The following WDSUB1 variants were observed in gnomAD, a reference collection of about 807,000 sequenced individuals.
WDSUB1 encodes the protein WD repeat, SAM and U-box domain-containing protein 1.
WDSUB1 carries 49 observed loss-of-function variants against 53.9 expected under a neutral mutation model. The observed-to-expected ratio is 0.91, with a 90% CI of 0.72 to 1.15. The LOEUF (loss-of-function observed/expected upper bound fraction) is 1.15, where lower values mean the gene tolerates loss of function less well. Ranked by LOEUF, WDSUB1 falls within the 50% of genes most tolerant of loss-of-function variation. The probability of loss-of-function intolerance (pLI) is 0.00; values close to 1 mark genes in which losing one functional copy is unlikely to be tolerated. For missense variants in WDSUB1, 514 were observed against 562.0 expected, an observed-to-expected ratio of 0.91 and a Z score of 0.86; for synonymous variants, 194 against 200.6, an observed-to-expected ratio of 0.97 and a Z score of 0.28.
chr2:159,235,880 T>C lies in WDSUB1; in HGVS notation c.*153A>G, dbSNP rs1298332149. On this transcript the variant is annotated 3_prime_UTR_variant, in exon 11 of 11. Coordinates refer to ENST00000359774, the MANE Select transcript of WDSUB1 (RefSeq NM_001128212.3). The stretch of plus-strand genomic sequence containing the variant: ...GCTTTTATAGTAAGTCCATGTGTTT[T>C]TTAAAGAATGAAAATTGACAATTTT... The C allele has an allele frequency of 8.3e-6, 6 of 722,588 alleles. No individual in the cohort carries two copies. Among genetic ancestry groups the C allele is most frequent in the Non-Finnish European group, 1.2e-5 (6 of 494,736 alleles). 44.8% of individuals were successfully genotyped at this position (722,588 alleles called of 1,614,324 possible).
At chr2:159,245,561 A>G (rs1309581973) in intron 10 of WDSUB1, among the ~76,000 whole-genome samples, 4 of 152,036 alleles carry the variant, frequency 2.6e-5, no homozygotes, top group African/African-American at 4.8e-5. Context: ...ATAAAGCTAC[A>G]GTAATCGAAG....
chr2:159,285,174 A>T (rs11687199), intron 1 of WDSUB1, among the ~76,000 whole-genome samples: 63,920 of 152,046 alleles, frequency 0.42, 14,719 homozygotes, highest in Non-Finnish European at 0.54. Context: ...AATAAATATA[A>T]GTTGAATATT....
At chr2:159,250,925 A>G (rs765270110) in intron 9 of WDSUB1, among the ~76,000 whole-genome samples, 25 of 152,188 alleles carry the variant, frequency 1.6e-4, no homozygotes, top group African/African-American at 5.8e-4. Context: ...CATGTTTGCA[A>G]TAAGACAGTA....
chr2:159,257,069 G>A (rs2061080423), intron 8 of WDSUB1, among the ~76,000 whole-genome samples: 1 of 152,098 alleles, frequency 6.6e-6, no homozygotes, highest in African/African-American at 2.4e-5. Context: ...CGTGTTCTCA[G>A]CTCACTGCAG....
chr2:159,249,721 G>A (rs1261210175), intron 9 of WDSUB1, among the ~76,000 whole-genome samples: 4 of 151,964 alleles, frequency 2.6e-5, no homozygotes, highest in Admixed American at 2.6e-4. Context: ...CAAGCTCAGG[G>A]CTCCTCAGCT....
chr2:159,247,579 T>C (rs2151063987), intron 10 of WDSUB1, among the ~76,000 whole-genome samples: 1 of 151,946 alleles, frequency 6.6e-6, no homozygotes, highest in Non-Finnish European at 1.5e-5. Flanking sequence ...TCTAACGAAA[T>C]GTGTCAAACT....
chr2:159,270,302 C>T (rs2061422354), intron 5 of WDSUB1, among the ~76,000 whole-genome samples: 1 of 152,142 alleles, frequency 6.6e-6, no homozygotes, highest in South Asian at 2.1e-4. Context: ...ATAAAGATGT[C>T]AATTCTCCCC....
chr2:159,248,498 G>A lies in WDSUB1; in HGVS notation c.1147C>T (p.Arg383Cys), dbSNP rs749077968. 16 of 1,556,146 alleles carry A rather than the reference G, an allele frequency of 1.0e-5. No individual in the cohort carries two copies. The highest frequency in any genetic ancestry group is 1.0e-4 in the South Asian group (8 of 79,838). Reference protein sequence around the residue: ...DDLKIESLGLRSKVLRKIEEL... With the variant: ...DDLKIESLGLCSKVLRKIEEL... The stretch of plus-strand genomic sequence containing the variant: ...TCAATTTTCCTCAGCACTTTACTAC[G>A]CAGTCCTAGAGATTCTGAAAAGAAA... The change falls in exon 10 of 11, where the codon CGT becomes TGT. Residue 383 changes from arginine (R) to cysteine (C), a missense_variant. Coordinates refer to ENST00000359774, the MANE Select transcript of WDSUB1 (RefSeq NM_001128212.3).
intron 2 of WDSUB1, among the ~76,000 whole-genome samples, chr2:159,281,870 G>A (rs1000287187): frequency 5.3e-5 from 8 of 152,114 alleles, no homozygotes; most frequent in Admixed American, 1.3e-4. Context: ...CCAGCAACTC[G>A]GGAGGCCGAG....
chr2:159,258,099 G>T, intron 6 of WDSUB1, 114 bp from the exon 7 acceptor site: 1 of 879,166 alleles, frequency 1.1e-6, no homozygotes, highest in Non-Finnish European at 1.8e-6. Context: ...ATATTTATTA[G>T]TAACTAACAT....
intron 3 of WDSUB1, among the ~76,000 whole-genome samples, chr2:159,276,532 T>C (rs1347105883): frequency 6.6e-6 from 1 of 152,210 alleles, no homozygotes; most frequent in Non-Finnish European, 1.5e-5. Context: ...AGTAATCAGT[T>C]ATATGGTGTC....
intron 5 of WDSUB1, among the ~76,000 whole-genome samples, chr2:159,269,543 C>A (rs2061408561): frequency 6.6e-6 from 1 of 152,094 alleles, no homozygotes; most frequent in African/African-American, 2.4e-5. Flanking sequence ...TATGTAGATA[C>A]AAAGTGGATA....
chr2:159,265,760 G>A (rs1443021035), intron 5 of WDSUB1, among the ~76,000 whole-genome samples: 1 of 152,168 alleles, frequency 6.6e-6, no homozygotes, highest in Non-Finnish European at 1.5e-5. Context: ...TATAATGTTT[G>A]TTGTATCTGG....
At position 159,235,851 on chromosome 2, in the gene WDSUB1, A is replaced by G. The variant is rs1265061303; in HGVS notation, c.*182T>C. 6.2e-6 allele frequency: 3 copies of G among 485,432 alleles called. No individual in the cohort carries two copies. The East Asian group carries it at 1.1e-4, about 17-fold the overall frequency. The allele number at this position is 485,432 out of a possible 1,614,324, so 30.1% of individuals were successfully genotyped here. ...CTGAAGATTCTTTTCACTAGTACAA[A>G]AAGGCTTTTATAGTAAGTCCATGTG... is the stretch of plus-strand genomic sequence containing the variant. On this transcript the variant is annotated 3_prime_UTR_variant, in exon 11 of 11. Coordinates refer to ENST00000359774, the MANE Select transcript of WDSUB1 (RefSeq NM_001128212.3).
chr2:159,256,280 C>A lies in WDSUB1; in HGVS notation c.1048G>T (p.Val350Phe). 2.5e-6 allele frequency: 4 copies of A among 1,612,354 alleles called. No homozygotes were observed. Among genetic ancestry groups the A allele is most frequent in the Non-Finnish European group, 2.5e-6 (3 of 1,179,484 alleles). The change falls in exon 9 of 11, where the codon GTT (valine) becomes TTT (phenylalanine). Residue 350 changes from valine (V) to phenylalanine (F), a missense_variant. Transcript: ENST00000359774. ...ATGTTATTCATCTTGAAAATACCAA[C>A]AAGATCTTTTAAATCTTGTGCACAA... is the stretch of plus-strand genomic sequence containing the variant. ...WLCAQDLKDL[V>F]GIFKMNNIDG...
chr2:159,261,888 ATATATATATTTTTTTTTTTTT>A (rs2061226701), intron 5 of WDSUB1, among the ~76,000 whole-genome samples: 2 of 14,266 alleles, frequency 1.4e-4, no homozygotes, highest in Non-Finnish European at 2.1e-4. Flanking sequence ...ATATATATAT[ATATATATATTTTTTTTTTTTT>A]TTTTTTTTTT....
chr2:159,238,703 G>C lies in WDSUB1; in HGVS notation c.1274-2513C>G, dbSNP rs557858011. Among the ~76,000 whole-genome samples the C allele has an allele frequency of 7.2e-5, 11 of 152,220 alleles. No homozygotes were observed. The South Asian group carries it at 2.1e-3, about 29-fold the overall frequency. Reference sequence around the variant, plus strand: ...GGGCCAACACTACACATTCACTTATGGAGGTTCTCGACATGTAACATCTCA... The same window carrying C: ...GGGCCAACACTACACATTCACTTATCGAGGTTCTCGACATGTAACATCTCA... On this transcript the variant is annotated intron_variant, in intron 10 of 10. Transcript: ENST00000359774.
intron 5 of WDSUB1, among the ~76,000 whole-genome samples, chr2:159,261,892 ATATATTTTTTTTTTTT>A (rs1558856718): frequency 7.5e-5 from 1 of 13,262 alleles, no homozygotes; most frequent in African/African-American, 4.8e-4. Context: ...ATATATATAT[ATATATTTTTTTTTTTT>A]TTTTTTTTTT....
Position 159,283,000 on chromosome 2 carries a change from G to C in WDSUB1, c.70C>G (p.Leu24Val). 1 of 1,614,186 alleles carries C rather than the reference G, an allele frequency of 6.2e-7. No homozygotes were observed. The highest frequency in any genetic ancestry group is 1.1e-5 in the South Asian group (1 of 91,078). ...TTGTCCAAGGAGCAAGTAGCCAAGAGGGAAAAGGAGAAGGCACAGCAGTTG... is the reference window on the plus strand; with the variant it reads ...TTGTCCAAGGAGCAAGTAGCCAAGACGGAAAAGGAGAAGGCACAGCAGTTG... ...DVNCCAFSFS[L>V]LATCSLDKTI... The change falls in exon 2 of 11, where the codon CTC becomes GTC. Residue 24 changes from leucine (L) to valine (V), a missense_variant. Coordinates refer to ENST00000359774, the MANE Select transcript of WDSUB1 (RefSeq NM_001128212.3).
Sources: allele counts gnomAD v4.1 joint callset (sites outside exome capture counted in the v4.1 genomes callset), GRCh38; gene constraint gnomAD v4.1.1; transcripts MANE v1.5; gene names NCBI Gene and HGNC (gene_info 2026-07-23, HGNC 2026-07-21).